Variants in RIMKLB observed in about 807,000 individuals in gnomAD.
RIMKLB encodes beta-citrylglutamate synthase B.
RIMKLB carries 7 observed loss-of-function variants against 32.0 expected under a neutral mutation model. The ratio of observed to expected loss-of-function variants is 0.22; its 90% CI spans 0.12 to 0.41. The LOEUF (loss-of-function observed/expected upper bound fraction) is 0.41, where lower values mean the gene tolerates loss of function less well. RIMKLB is among the 10% of genes least tolerant of loss of function. RIMKLB has a pLI of 1.00. For synonymous variants in RIMKLB, 172 were observed against 185.1 expected (o/e 0.93, Z 0.57); for missense variants, 289 against 498.7 (o/e 0.58, Z 4.00).
At chr12:8,753,824 AGAT>A in intron 4 of RIMKLB, 63 bp from the exon 5 acceptor site, 1 of 1,253,988 alleles carries the variant, frequency 8.0e-7, no homozygotes, top group East Asian at 2.4e-5. Flanking sequence ...AAGAAGATTC[AGAT>A]AATAGGTATC....
At chr12:8,732,532 C>T (rs946709397) in intron 2 of RIMKLB, among the ~76,000 whole-genome samples, 3 of 151,988 alleles carry the variant, frequency 2.0e-5, no homozygotes, top group African/African-American at 7.3e-5. Flanking sequence ...GGTGGTGTTA[C>T]CTCTTCTTTA....
In RIMKLB at chr12:8,776,133, G is replaced by C; in HGVS notation, c.*2349G>C. The C allele has an allele frequency of 1.0e-6, 1 of 985,016 alleles. No homozygotes were observed. The highest frequency in any genetic ancestry group is 1.2e-6 in the Non-Finnish European group (1 of 829,676). The allele number at this position is 985,016 out of a possible 1,614,324, so 61.0% of individuals were successfully genotyped here. A position where few individuals can be genotyped will look rare whatever the true frequency, so the allele number is the denominator to read the frequency against. On this transcript the variant is annotated 3_prime_UTR_variant, in exon 6 of 6. Coordinates refer to ENST00000535829, the MANE Select transcript of RIMKLB (RefSeq NM_001297776.2). ...TATGTAGTTCATGTTTGTGTTGGTG[G>C]GGTAAGGCATCAGGAAAAATGTAGT...
rs897933422 is a variant in RIMKLB at position 8,754,215 on chromosome 12, T to C, written c.697+122T>C. 3.3e-5 allele frequency: 23 copies of C among 693,470 alleles called. No individual in the cohort carries two copies. In the Admixed American group the frequency reaches 5.7e-4, roughly 17 times the overall value. The allele number at this position is 693,470 out of a possible 1,614,324, so 43.0% of individuals were successfully genotyped here. A position where few individuals can be genotyped will look rare whatever the true frequency, so the allele number is the denominator to read the frequency against. On this transcript the variant is annotated intron_variant, in intron 5 of 5. Transcript: ENST00000535829. ...GTTGAAAAACGTATTTCCTTTTACATGTAAATATGATTTTTACACATGCCA... is the reference window on the plus strand; with the variant it reads ...GTTGAAAAACGTATTTCCTTTTACACGTAAATATGATTTTTACACATGCCA...
intron 1 of RIMKLB, among the ~76,000 whole-genome samples, chr12:8,706,829 T>C (rs1263512349): frequency 6.6e-6 from 1 of 152,156 alleles, no homozygotes; most frequent in African/African-American, 2.4e-5. Flanking sequence ...AGTAGGCTCA[T>C]TGAAATGGAT....
At chr12:8,707,492 C>T (rs1379556755) in intron 1 of RIMKLB, among the ~76,000 whole-genome samples, 2 of 152,214 alleles carry the variant, frequency 1.3e-5, no homozygotes, top group Non-Finnish European at 2.9e-5. Context: ...GTTCAGCTAT[C>T]TGGAAGCATT....
At chr12:8,672,172 T>A in the RIMKLB span, among the ~76,000 whole-genome samples, 1 of 152,240 alleles carries the variant, frequency 6.6e-6, no homozygotes, top group Non-Finnish European at 1.5e-5. Flanking sequence ...GATTTTATTG[T>A]CCATATTGCT....
intron 5 of RIMKLB, among the ~76,000 whole-genome samples, chr12:8,765,973 T>G (rs1949925206): frequency 6.6e-6 from 1 of 152,164 alleles, no homozygotes; most frequent in Non-Finnish European, 1.5e-5. Flanking sequence ...TTTCTCCCCC[T>G]TGATGAGGAT....
chr12:8,756,570 A>C (rs1189170459), intron 5 of RIMKLB, among the ~76,000 whole-genome samples: 1 of 152,100 alleles, frequency 6.6e-6, no homozygotes, highest in Non-Finnish European at 1.5e-5. Context: ...ACTAAAGAAA[A>C]GGCAATATAT....
At chr12:8,676,433 CT>C in the RIMKLB span, among the ~76,000 whole-genome samples, 1 of 94,806 alleles carries the variant, frequency 1.1e-5, no homozygotes, top group Non-Finnish European at 1.9e-5. Context: ...GAGTCTTGCT[CT>C]GTTGCCCAGG....
intron 2 of RIMKLB, among the ~76,000 whole-genome samples, chr12:8,726,322 C>T (rs1054814810): frequency 6.6e-6 from 1 of 152,164 alleles, no homozygotes; most frequent in African/African-American, 2.4e-5. Flanking sequence ...TTTTCGTATA[C>T]TTATTTGCCA....
chr12:8,777,452 G>A, downstream of RIMKLB: 1 of 1,107,646 alleles, frequency 9.0e-7, no homozygotes, highest in Non-Finnish European at 1.1e-6. Context: ...GCTGTTTTGG[G>A]GTGGCTGCCT....
chr12:8,741,638 G>T (rs1296264002), intron 2 of RIMKLB, among the ~76,000 whole-genome samples: 1 of 151,120 alleles, frequency 6.6e-6, no homozygotes, highest in African/African-American at 2.4e-5. Flanking sequence ...AAATTAGCCT[G>T]GCGTGATGGC....
At chr12:8,747,563 TATTTTATTTATTA>T in intron 2 of RIMKLB, among the ~76,000 whole-genome samples, 1 of 152,184 alleles carries the variant, frequency 6.6e-6, no homozygotes, top group Non-Finnish European at 1.5e-5. Flanking sequence ...GCAAGGACCT[TATTTTATTTATTA>T]ATCTATTTTG....
downstream of RIMKLB, among the ~76,000 whole-genome samples, chr12:8,781,166 C>G (rs1270207732): frequency 1.3e-5 from 2 of 152,106 alleles, no homozygotes; most frequent in Non-Finnish European, 2.9e-5. Context: ...CATGGAGAAA[C>G]CCCATCTCTA....
downstream of RIMKLB, among the ~76,000 whole-genome samples, chr12:8,781,509 G>GCCATCAGTTCC (rs1417018933): frequency 6.6e-6 from 1 of 150,772 alleles, no homozygotes; most frequent in Non-Finnish European, 1.5e-5. Context: ...GTTCCACTCT[G>GCCATCAGTTCC]CCATCAGTTC....
chr12:8,773,466 T>C lies in RIMKLB; in HGVS notation c.843T>C (p.Asn281=). Residue 281 remains asparagine (N), a synonymous_variant, in exon 6 of 6, where the codon AAT becomes AAC. Transcript: ENST00000535829. The stretch of plus-strand genomic sequence containing the variant: ...TCTGCGTCTGTGAGGCCAATGCAAA[T>C]GTAGGTTTCATCGCCTTTGATAAGG... ...GSFCVCEANA[N]VGFIAFDKAC... is the part of the protein sequence containing the mutation. 2 of 1,614,220 alleles carry C rather than the reference T, an allele frequency of 1.2e-6. No homozygotes were observed. The highest frequency in any genetic ancestry group is 1.7e-6 in the Non-Finnish European group (2 of 1,180,028).
chr12:8,693,553 C>T (rs978432596), upstream of RIMKLB, among the ~76,000 whole-genome samples: 3 of 151,858 alleles, frequency 2.0e-5, no homozygotes, highest in African/African-American at 4.8e-5. Context: ...CCCACCACCA[C>T]GCCCAGCTAA....
rs746088886 is a variant in RIMKLB, at chr12:8,773,555, G to A, written c.932G>A (p.Arg311Gln). ...GCCGCCTCCCTTCTACCCTCTGGCCGGCTCACCCGGCGTATGTCCCTGCTC... is the reference window on the plus strand; with the variant it reads ...GCCGCCTCCCTTCTACCCTCTGGCCAGCTCACCCGGCGTATGTCCCTGCTC... ...DYAASLLPSG[R>Q]LTRRMSLLSV... The change falls in exon 6 of 6, where the codon CGG becomes CAG. Residue 311 changes from arginine (R) to glutamine (Q), a missense_variant. Coordinates refer to ENST00000535829, the MANE Select transcript of RIMKLB (RefSeq NM_001297776.2). 5 of 1,614,230 alleles carry A rather than the reference G, an allele frequency of 3.1e-6. No homozygotes were observed. The highest frequency in any genetic ancestry group is 2.2e-5 in the East Asian group (1 of 44,884).
intron 1 of RIMKLB, among the ~76,000 whole-genome samples, chr12:8,708,547 T>C (rs1944096562): frequency 6.6e-6 from 1 of 152,172 alleles, no homozygotes; most frequent in Non-Finnish European, 1.5e-5. Context: ...ATTAAGGAAA[T>C]TTGATCCAGT....
Sources: allele counts gnomAD v4.1 joint callset (sites outside exome capture counted in the v4.1 genomes callset), GRCh38; gene constraint gnomAD v4.1.1; transcripts MANE v1.5; gene names NCBI Gene and HGNC (gene_info 2026-07-23, HGNC 2026-07-21).